SAMD3: variants seen among roughly 807,000 people sequenced by gnomAD.
SAMD3 encodes the protein sterile alpha motif domain-containing protein 3.
Under a neutral mutation model 58.5 loss-of-function variants are expected in SAMD3, and 63 were observed. That is an observed-to-expected ratio of 1.08 (90% CI 0.88 to 1.33). The LOEUF is 1.33. Ranked by LOEUF, SAMD3 falls within the 40% of genes most tolerant of loss-of-function variation. The pLI is 0.00. For synonymous variants in SAMD3, 220 were observed against 210.3 expected, an observed-to-expected ratio of 1.05 and a Z score of -0.40; for missense variants, 604 against 608.4, an observed-to-expected ratio of 0.99 and a Z score of 0.08.
chr6:130,286,196 G>A (rs1012284942), intron 2 of SAMD3: 3 of 152,210 alleles, frequency 2.0e-5, no homozygotes, highest in African/African-American at 7.2e-5. Flanking sequence ...TCCATGCTAT[G>A]CCGTGCCTCC....
At chr6:130,318,812 C>G (rs1776483376) in intron 1 of SAMD3, among the ~76,000 whole-genome samples, 1 of 152,092 alleles carries the variant, frequency 6.6e-6, no homozygotes, top group African/African-American at 2.4e-5. Flanking sequence ...TTGAAATTAG[C>G]CCAGAAATTA....
chr6:130,308,409 TATTCTA>T (rs1303517079), intron 2 of SAMD3, among the ~76,000 whole-genome samples: 2 of 127,718 alleles, frequency 1.6e-5, no homozygotes, highest in Non-Finnish European at 3.2e-5. Context: ...TATTCTATTC[TATTCTA>T]TTCTATTCTA....
intron 1 of SAMD3, among the ~76,000 whole-genome samples, chr6:130,356,774 T>C (rs1368911120): frequency 1.3e-5 from 2 of 152,236 alleles, no homozygotes; most frequent in Admixed American, 1.3e-4. Flanking sequence ...TTTGTTCTTT[T>C]CTGGACCTAG....
intron 1 of SAMD3, among the ~76,000 whole-genome samples, chr6:130,341,091 C>T (rs1439965751): frequency 6.6e-6 from 1 of 150,848 alleles, no homozygotes; most frequent in African/African-American, 2.4e-5. Context: ...CACAAACTCT[C>T]AGTGTTACTG....
At chr6:130,351,205 C>G (rs1398171869) in intron 1 of SAMD3, among the ~76,000 whole-genome samples, 2 of 152,114 alleles carry the variant, frequency 1.3e-5, no homozygotes, top group African/African-American at 4.8e-5. Context: ...GCAATGGCAA[C>G]AAAAGCCAAA....
intron 2 of SAMD3, chr6:130,215,613 T>C (rs1795959699): frequency 7.2e-7 from 1 of 1,389,738 alleles, no homozygotes; most frequent in Non-Finnish European, 9.3e-7. Context: ...CCCAATCCTG[T>C]ACCATTAACA....
chr6:130,246,813 T>C (rs1201453493), intron 2 of SAMD3, among the ~76,000 whole-genome samples: 1 of 152,112 alleles, frequency 6.6e-6, no homozygotes, highest in East Asian at 1.9e-4. Context: ...GGTTTGAACC[T>C]GGGAACTGGA....
chr6:130,293,151 A>G (rs1054493579), intron 2 of SAMD3, among the ~76,000 whole-genome samples: 1 of 152,250 alleles, frequency 6.6e-6, no homozygotes, highest in African/African-American at 2.4e-5. Flanking sequence ...CATCTATACT[A>G]GAGAAGCATT....
At chr6:130,260,925 T>C (rs1193587671) in intron 2 of SAMD3, among the ~76,000 whole-genome samples, 1 of 152,134 alleles carries the variant, frequency 6.6e-6, no homozygotes, top group Non-Finnish European at 1.5e-5. Flanking sequence ...GGAAGTGTGG[T>C]CTGATGACCC....
At chr6:130,255,836 A>T (rs1359893262) in intron 2 of SAMD3, among the ~76,000 whole-genome samples, 2 of 151,314 alleles carry the variant, frequency 1.3e-5, no homozygotes, top group African/African-American at 4.9e-5. Context: ...CATGTCGGCA[A>T]CATATAGTTG....
intron 1 of SAMD3, among the ~76,000 whole-genome samples, chr6:130,338,100 T>C (rs925463473): frequency 6.6e-6 from 1 of 152,212 alleles, no homozygotes; most frequent in Non-Finnish European, 1.5e-5. Context: ...GGGCCCCCGC[T>C]GCTTTGTGTA....
rs76730150 is a variant in SAMD3 at position 130,314,545 on chromosome 6, T to C, written c.-303-1452A>G. Among the ~76,000 whole-genome samples the C allele has an allele frequency of 7.7e-3, 1,174 of 152,360 alleles. 15 individuals carry two copies. The highest frequency in any genetic ancestry group is 0.023 in the African/African-American group (950 of 41,574). On this transcript the variant is annotated intron_variant, in intron 1 of 13. Coordinates refer to the SAMD3 transcript ENST00000368134. ...GAAAGTGTTATTTAGGTATTAGTCA[T>C]ACTTGCTCATGCATAATTCCTCTTA...
intron 2 of SAMD3, among the ~76,000 whole-genome samples, chr6:130,253,430 T>C (rs541917083): frequency 1.3e-5 from 2 of 152,202 alleles, no homozygotes; most frequent in African/African-American, 4.8e-5. Flanking sequence ...ATTGATATGA[T>C]AATATCTTTA....
intron 8 of SAMD3, among the ~76,000 whole-genome samples, chr6:130,169,714 TGAA>T (rs1791065967): frequency 6.6e-6 from 1 of 152,172 alleles, no homozygotes; most frequent in South Asian, 2.1e-4. Flanking sequence ...TGTAGTTCCA[TGAA>T]GAAGGGACAG....
chr6:130,186,923 AC>A (rs1456925420), intron 5 of SAMD3, among the ~76,000 whole-genome samples: 2 of 151,878 alleles, frequency 1.3e-5, no homozygotes, highest in African/African-American at 2.4e-5. Flanking sequence ...GGCGCATGCC[AC>A]CGTGCCTGGC....
intron 8 of SAMD3, among the ~76,000 whole-genome samples, chr6:130,165,037 T>C (rs1253702594): frequency 2.0e-5 from 3 of 152,164 alleles, no homozygotes; most frequent in African/African-American, 4.8e-5. Flanking sequence ...AGAATTATAG[T>C]TGGAGACTTC....
chr6:130,209,379 C>G, intron 5 of SAMD3, 116 bp downstream of exon 5: 1 of 530,780 alleles, frequency 1.9e-6, no homozygotes, highest in East Asian at 3.1e-5. Flanking sequence ...ATATTCCCTT[C>G]CAGGAAAACA....
At chr6:130,177,294 G>A (rs71572912) in intron 7 of SAMD3, among the ~76,000 whole-genome samples, 14,433 of 152,204 alleles carry the variant, frequency 0.095, 1,099 homozygotes, top group African/African-American at 0.21. Context: ...CGTCAGAACA[G>A]CCAGGTTAGG....
intron 5 of SAMD3, among the ~76,000 whole-genome samples, chr6:130,197,859 T>G (rs1230958824): frequency 6.6e-6 from 1 of 152,234 alleles, no homozygotes; most frequent in African/African-American, 2.4e-5. Context: ...TCATATTCCC[T>G]GTGGCCTGCA....
Sources: allele counts gnomAD v4.1 joint callset (sites outside exome capture counted in the v4.1 genomes callset), GRCh38; gene constraint gnomAD v4.1.1; transcripts MANE v1.5; gene names NCBI Gene and HGNC (gene_info 2026-07-23, HGNC 2026-07-21).